MPPED2: variants seen among roughly 807,000 people sequenced by gnomAD.
MPPED2 encodes metallophosphoesterase domain containing 2.
MPPED2 carries 5 observed loss-of-function variants against 33.0 expected under a neutral mutation model. That is an observed-to-expected ratio of 0.15 (90% CI 0.08 to 0.32). The LOEUF (loss-of-function observed/expected upper bound fraction) is 0.32, where lower values mean the gene tolerates loss of function less well. Among genes scored for constraint, MPPED2 ranks in the 10% least tolerant of loss-of-function variants. MPPED2 has a pLI of 1.00. For missense variants in MPPED2, 275 were observed against 372.1 expected, an observed-to-expected ratio of 0.74 and a Z score of 2.15; for synonymous variants, 136 against 141.9, an observed-to-expected ratio of 0.96 and a Z score of 0.29.
chr11:30,471,031 T>C (rs1950925186), intron 4 of MPPED2, among the ~76,000 whole-genome samples: 1 of 152,188 alleles, frequency 6.6e-6, no homozygotes, highest in Non-Finnish European at 1.5e-5. Context: ...AAAGACTCAA[T>C]TAATGGTTCA....
At chr11:30,409,896 C>T (rs1222671127), downstream of MPPED2, among the ~76,000 whole-genome samples, 1 of 152,022 alleles carries the variant, frequency 6.6e-6, no homozygotes, top group Non-Finnish European at 1.5e-5. Context: ...CAACGGTTTC[C>T]CCAAACTCAC....
intron 4 of MPPED2, among the ~76,000 whole-genome samples, chr11:30,443,955 T>A (rs1224505372): frequency 5.3e-5 from 8 of 152,244 alleles, no homozygotes; most frequent in African/African-American, 1.7e-4. Context: ...TGTTAAGGGA[T>A]ACAAGACCTT....
chr11:30,543,564 T>C (rs1321827127), intron 2 of MPPED2, among the ~76,000 whole-genome samples: 1 of 152,220 alleles, frequency 6.6e-6, no homozygotes, highest in Non-Finnish European at 1.5e-5. Flanking sequence ...TATTTTATGC[T>C]TTCCCAGACA....
At chr11:30,465,107 G>A (rs370884607) in intron 4 of MPPED2, among the ~76,000 whole-genome samples, 13 of 152,228 alleles carry the variant, frequency 8.5e-5, no homozygotes, top group South Asian at 2.1e-4. Context: ...GTTCTCAAAC[G>A]GAAGTGATGC....
In MPPED2 at chr11:30,411,418, A is replaced by C; in HGVS notation, c.*50T>G. The C allele has an allele frequency of 6.4e-7, 1 of 1,550,642 alleles. No homozygotes were observed. The highest frequency in any genetic ancestry group is 8.7e-7 in the Non-Finnish European group (1 of 1,144,080). The stretch of plus-strand genomic sequence containing the variant: ...GAGAATGTAAGTTTATAATTAGAAA[A>C]ATGGCAGTTTATAGACCTTCCCTCA... On this transcript the variant is annotated 3_prime_UTR_variant, in exon 7 of 7. Coordinates refer to ENST00000358117, the MANE Select transcript of MPPED2 (RefSeq NM_001584.3).
intron 1 of MPPED2, among the ~76,000 whole-genome samples, chr11:30,582,260 C>T (rs1196817119): frequency 6.6e-6 from 1 of 151,894 alleles, no homozygotes; most frequent in African/African-American, 2.4e-5. Flanking sequence ...AAAGTAAATA[C>T]AAATGAAAAC....
Position 30,468,097 on chromosome 11 carries a change from G to A in MPPED2, c.536+27199C>T, listed in dbSNP as rs140887624. Among the ~76,000 whole-genome samples, 38 of 152,186 alleles carry A rather than the reference G, an allele frequency of 2.5e-4. No individual in the cohort carries two copies. The East Asian group carries it at 5.0e-3, about 20-fold the overall frequency. On this transcript the variant is annotated intron_variant, in intron 4 of 6. Coordinates refer to ENST00000358117, the MANE Select transcript of MPPED2 (RefSeq NM_001584.3). ...CATGTACTAGAGTCATGATTCATTA[G>A]CTACATCTGTGTACCACCTGTACTA...
intron 4 of MPPED2, among the ~76,000 whole-genome samples, chr11:30,483,652 G>A (rs1321583745): frequency 6.6e-6 from 1 of 152,100 alleles, no homozygotes; most frequent in Non-Finnish European, 1.5e-5. Context: ...CTCAATAAGA[G>A]GCCTGAATTA....
intron 3 of MPPED2, among the ~76,000 whole-genome samples, chr11:30,527,993 A>G (rs1482855926): frequency 6.6e-6 from 1 of 152,234 alleles, no homozygotes; most frequent in African/African-American, 2.4e-5. Context: ...GGCTGGATAC[A>G]CTAAGCATTA....
intron 5 of MPPED2, among the ~76,000 whole-genome samples, chr11:30,415,981 T>C (rs953106731): frequency 6.6e-5 from 10 of 152,278 alleles, no homozygotes; most frequent in African/African-American, 2.2e-4. Context: ...GCTGAAATGA[T>C]AACTCTGTAG....
At chr11:30,454,912 G>C (rs900251820) in intron 4 of MPPED2, among the ~76,000 whole-genome samples, 1 of 152,188 alleles carries the variant, frequency 6.6e-6, no homozygotes, top group East Asian at 1.9e-4. Context: ...GCCTCTTTCA[G>C]GTAGTTGTCA....
intron 4 of MPPED2, among the ~76,000 whole-genome samples, chr11:30,464,835 G>C (rs563282056): frequency 3.3e-4 from 51 of 152,270 alleles, no homozygotes; most frequent in African/African-American, 1.1e-3. Flanking sequence ...TCGTCTTCAA[G>C]GAACTTATCA....
chr11:30,583,967 A>T (rs1453118853), intron 1 of MPPED2, among the ~76,000 whole-genome samples: 1 of 151,802 alleles, frequency 6.6e-6, no homozygotes, highest in African/African-American at 2.4e-5. Flanking sequence ...TCACGCCCCT[A>T]CTCTTTTATG....
At chr11:30,386,841 G>A (rs1400523645) in exon 7 of MPPED2, 4 of 398,340 alleles carry the variant, frequency 1.0e-5, no homozygotes, top group Non-Finnish European at 1.8e-5. Context: ...AATAGCAATA[G>A]CAAAAGCAAT....
chr11:30,449,210 A>G (rs139446648), intron 4 of MPPED2, among the ~76,000 whole-genome samples: 31 of 149,096 alleles, frequency 2.1e-4, no homozygotes, highest in African/African-American at 7.2e-4. Context: ...GAATGCCCCT[A>G]TGTATAGCTA....
At chr11:30,455,876 T>C (rs1950259997) in intron 4 of MPPED2, among the ~76,000 whole-genome samples, 1 of 152,240 alleles carries the variant, frequency 6.6e-6, no homozygotes, top group Non-Finnish European at 1.5e-5. Flanking sequence ...ACAGCCGTTC[T>C]GCTCTGCAAG....
intron 2 of MPPED2, among the ~76,000 whole-genome samples, chr11:30,557,220 T>A (rs886587919): frequency 1.4e-5 from 2 of 147,990 alleles, no homozygotes; most frequent in African/African-American, 5.3e-5. Flanking sequence ...AAATTATATA[T>A]ATATAATATA....
rs79260725 is a variant in MPPED2 at position 30,534,577 on chromosome 11, A to G, written c.310+1417T>C. Among the ~76,000 whole-genome samples, 21 of 152,324 alleles carry G rather than the reference A, an allele frequency of 1.4e-4. No individual in the cohort carries two copies. The East Asian group carries it at 3.7e-3, about 27-fold the overall frequency. On this transcript the variant is annotated intron_variant, in intron 3 of 6. Transcript: ENST00000358117. ...CAAAATATAAATGCTCCAACATCCAATGCTGCCAAGACCATGATAAAACTA... is the reference window on the plus strand; with the variant it reads ...CAAAATATAAATGCTCCAACATCCAGTGCTGCCAAGACCATGATAAAACTA...
At chr11:30,569,838 G>A (rs1956614379) in intron 2 of MPPED2, among the ~76,000 whole-genome samples, 1 of 152,094 alleles carries the variant, frequency 6.6e-6, no homozygotes, top group South Asian at 2.1e-4. Flanking sequence ...ACCCTAGAAA[G>A]CCAAGTTGCA....
Sources: gnomAD v4.1 joint callset for allele counts (sites outside exome capture counted in the v4.1 genomes callset) on GRCh38, gnomAD v4.1.1 for gene constraint, MANE v1.5 for transcripts, NCBI Gene and HGNC (gene_info 2026-07-23, HGNC 2026-07-21) for gene names.